Variants in VIL1 observed in about 807,000 individuals in gnomAD.
VIL1 encodes the protein villin-1.
VIL1 carries 86 observed loss-of-function variants against 104.0 expected under a neutral mutation model. That is an observed-to-expected ratio of 0.83 (90% CI 0.69 to 0.99). The LOEUF (loss-of-function observed/expected upper bound fraction) is 0.99. Among genes scored for constraint, VIL1 ranks in the 50% least tolerant of loss-of-function variants. VIL1 has a pLI of 0.00. For missense variants in VIL1, 944 were observed against 1,054.1 expected, an observed-to-expected ratio of 0.90 and a Z score of 1.45; for synonymous variants, 394 against 412.6, an observed-to-expected ratio of 0.95 and a Z score of 0.55.
At chr2:218,428,471 C>G in intron 6 of VIL1, 134 bp downstream of exon 6, 1 of 731,468 alleles carries the variant, frequency 1.4e-6, no homozygotes, top group East Asian at 2.7e-5. Context: ...GTGTTTGGTG[C>G]AGGCATGCAT....
chr2:218,420,731 G>A (rs1315055078), intron 1 of VIL1, among the ~76,000 whole-genome samples: 3 of 151,886 alleles, frequency 2.0e-5, no homozygotes, highest in African/African-American at 4.8e-5. Flanking sequence ...GACTACAGGC[G>A]CCCACCATCT....
chr2:218,427,930 C>T, intron 4 of VIL1, 35 bp from the exon 5 acceptor site: 1 of 1,598,664 alleles, frequency 6.3e-7, no homozygotes, highest in Non-Finnish European at 8.6e-7. Flanking sequence ...CACCTCCCAG[C>T]CCACTTCCTT....
At chr2:218,443,202 C>CTTTCT (rs1553535265) in intron 19 of VIL1, among the ~76,000 whole-genome samples, 2 of 141,890 alleles carry the variant, frequency 1.4e-5, no homozygotes, top group Non-Finnish European at 3.0e-5. Flanking sequence ...GTATTTCTTT[C>CTTTCT]TTTTTTTTTT....
At position 218,444,287 on chromosome 2, in the gene VIL1, C is replaced by CT. The variant is rs1021683866; in HGVS notation, c.2370+3435dup. On this transcript the variant is annotated intron_variant, in intron 19 of 19. Coordinates refer to ENST00000248444, the MANE Select transcript of VIL1 (RefSeq NM_007127.3). ...ACCTGGACTGAAGCTGATTTTTTTT[C>CT]TTTTTTTTTTGAGATGGAGTCTTGC... 4.9e-4 allele frequency among the ~76,000 whole-genome samples: 71 copies of CT among 144,470 alleles called. 2 individuals are homozygous for CT. The highest frequency in any genetic ancestry group is 2.0e-3 in the South Asian group (9 of 4,554). 94.8% of individuals were successfully genotyped at this position (144,470 alleles called of 152,430 possible).
chr2:218,434,604 A>T lies in VIL1; in HGVS notation c.1579A>T (p.Asn527Tyr). 1 of 1,614,130 alleles carries T rather than the reference A, an allele frequency of 6.2e-7. No homozygotes were observed. The highest frequency in any genetic ancestry group is 8.5e-7 in the Non-Finnish European group (1 of 1,180,018). Reference sequence around the variant, plus strand: ...CCAGGTCCAGGGAACTGGCGCCAACAACACCAAGGCCTTTGAGGTCCCAGC... The same window carrying T: ...CCAGGTCCAGGGAACTGGCGCCAACTACACCAAGGCCTTTGAGGTCCCAGC... ...LFQVQGTGAN[N>Y]TKAFEVPARA... The change falls in exon 14 of 20, where the codon AAC becomes TAC. Residue 527 changes from asparagine to tyrosine, a missense_variant. Asn to Tyr is a moderately radical substitution (Grantham distance 143, BLOSUM62 -2). Coordinates refer to ENST00000248444, the MANE Select transcript of VIL1 (RefSeq NM_007127.3).
At chr2:218,447,271 G>C (rs1689380214) in intron 19 of VIL1, among the ~76,000 whole-genome samples, 2 of 152,182 alleles carry the variant, frequency 1.3e-5, no homozygotes, top group Admixed American at 6.6e-5. Context: ...CTTCTCCTGA[G>C]GGTGACAGGC....
intron 19 of VIL1, among the ~76,000 whole-genome samples, chr2:218,447,450 T>G (rs1039445725): frequency 1.2e-4 from 19 of 152,138 alleles, no homozygotes; most frequent in Non-Finnish European, 1.9e-4. Context: ...CCTCAGTAAC[T>G]GGGACTATAG....
At position 218,420,582 on chromosome 2, in the gene VIL1, T is replaced by G. The variant is rs1195087960; in HGVS notation, c.-12+1414T>G. Among the ~76,000 whole-genome samples, 325 of 151,140 alleles carry G rather than the reference T, an allele frequency of 2.2e-3. 6 individuals carry two copies. Among genetic ancestry groups the G allele is most frequent in the Admixed American group, 0.017 (253 of 15,210 alleles). ...CTTTCAGCATCATGAGTATTTGTTT[T>G]TTTTTTTTTTGTTTTTTTTTTGAGA... On this transcript the variant is annotated intron_variant, in intron 1 of 19. Coordinates refer to ENST00000248444, the MANE Select transcript of VIL1 (RefSeq NM_007127.3).
At position 218,438,646 on chromosome 2, in the gene VIL1, C is replaced by A; in HGVS notation, c.2161-12C>A. The A allele has an allele frequency of 6.2e-7, 1 of 1,609,194 alleles. No homozygotes were observed. Among genetic ancestry groups the A allele is most frequent in the East Asian group, 2.2e-5 (1 of 44,766 alleles). On this transcript the variant is annotated splice_polypyrimidine_tract_variant and intron_variant, in intron 17 of 19. Coordinates refer to ENST00000248444, the MANE Select transcript of VIL1 (RefSeq NM_007127.3). ...AGATCCAGGTCTAATCTGTTATTTA[C>A]TTTATGTGCAGAACACCAAATCCTA... is the stretch of plus-strand genomic sequence containing the variant.
intron 18 of VIL1, among the ~76,000 whole-genome samples, chr2:218,439,787 A>C (rs2106395934): frequency 6.8e-6 from 1 of 146,298 alleles, no homozygotes; most frequent in Non-Finnish European, 1.5e-5. Context: ...ACTGCACTCC[A>C]GCCTGGGCAA....
At chr2:218,448,401 C>T (rs1044696788) in intron 19 of VIL1, among the ~76,000 whole-genome samples, 3 of 151,880 alleles carry the variant, frequency 2.0e-5, no homozygotes, top group Admixed American at 6.6e-5. Flanking sequence ...CTCATCTCTA[C>T]TAAAAATACA....
Position 218,451,108 on chromosome 2 carries a change from CA to C in VIL1, c.*1776del, listed in dbSNP as rs1392487074. ...TGTTAATAAGACATATCAGTAGAGA[CA>C]AAATTAGGATTTTGAAGTAATGCAA... On this transcript the variant is annotated 3_prime_UTR_variant, in exon 20 of 20. Coordinates refer to ENST00000248444, the MANE Select transcript of VIL1 (RefSeq NM_007127.3). 2.0e-5 allele frequency: 3 copies of C among 151,956 alleles called. No homozygotes were observed. Among genetic ancestry groups the C allele is most frequent in the African/African-American group, 7.3e-5 (3 of 41,336 alleles). 9.4% of individuals were successfully genotyped at this position (151,956 alleles called of 1,614,324 possible). A position where few individuals can be genotyped will look rare whatever the true frequency, so the allele number is the denominator to read the frequency against.
At chr2:218,430,642 T>C in intron 9 of VIL1, 83 bp from the exon 10 acceptor site, 1 of 1,489,298 alleles carries the variant, frequency 6.7e-7, no homozygotes, top group Non-Finnish European at 9.0e-7. Flanking sequence ...TGGATCTGGT[T>C]AGGTTAGAGC....
rs1334135714 is a variant in VIL1, at chr2:218,420,212, T to TTGAGG, written c.-12+1046_-12+1050dup. On this transcript the variant is annotated intron_variant, in intron 1 of 19. Coordinates refer to ENST00000248444, the MANE Select transcript of VIL1 (RefSeq NM_007127.3). ...TGGGAGGCCAAGTGGGGTGGATCAC[T>TTGAGG]TGAGGTCAGGACTTCAAGACCAGCC... Among the ~76,000 whole-genome samples, 9 of 152,082 alleles carry TTGAGG rather than the reference T, an allele frequency of 5.9e-5. No individual in the cohort carries two copies. The South Asian group carries it at 1.7e-3, about 28-fold the overall frequency.
intron 16 of VIL1, 122 bp from the exon 17 acceptor site, chr2:218,437,002 A>G: frequency 8.3e-7 from 1 of 1,204,576 alleles, no homozygotes. Flanking sequence ...GCCCTAGGTC[A>G]TTTGGCTGGT....
At chr2:218,446,360 G>A (rs1031410831) in intron 19 of VIL1, among the ~76,000 whole-genome samples, 3 of 152,178 alleles carry the variant, frequency 2.0e-5, no homozygotes, top group South Asian at 4.2e-4. Flanking sequence ...TCAGGCTCCC[G>A]AGTAGCTGAG....
rs1435102542 is a variant in VIL1 at position 218,450,760 on chromosome 2, C to CT, written c.*1425dup. The CT allele has an allele frequency of 2.0e-5, 3 of 152,206 alleles. No homozygotes were observed. In the East Asian group the frequency reaches 5.8e-4, roughly 29 times the overall value. 9.4% of individuals were successfully genotyped at this position (152,206 alleles called of 1,614,324 possible). A position where few individuals can be genotyped will look rare whatever the true frequency, so the allele number is the denominator to read the frequency against. On this transcript the variant is annotated 3_prime_UTR_variant, in exon 20 of 20. Transcript: ENST00000248444. ...AACCTGGTCCAGACCCTCACCCACT[C>CT]TATTCTTATGCCAATGGACATACCT...
chr2:218,428,407 C>A, intron 6 of VIL1, 70 bp downstream of exon 6: 1 of 1,348,582 alleles, frequency 7.4e-7, no homozygotes, highest in Non-Finnish European at 1.1e-6. Context: ...TTTCCCCAGG[C>A]CTCTCCCCGC....
At position 218,437,230 on chromosome 2, in the gene VIL1, C is replaced by T; in HGVS notation, c.2078C>T (p.Thr693Ile). Residue 693 changes from threonine (T) to isoleucine (I), a missense_variant, in exon 17 of 20, where the codon ACC becomes ATC. By Grantham distance (89) the Thr-to-Ile change is moderately conservative. Transcript: ENST00000248444. ...KTHPSGRDPE[T>I]PIIVVKQGHE... ...CATCCCAGCGGGCGTGACCCTGAGACCCCCATCATTGTGGTGAAGCAGGGA... is the reference window on the plus strand; with the variant it reads ...CATCCCAGCGGGCGTGACCCTGAGATCCCCATCATTGTGGTGAAGCAGGGA... The T allele has an allele frequency of 6.2e-7, 1 of 1,614,204 alleles. No homozygotes were observed. Among genetic ancestry groups the T allele is most frequent in the Admixed American group, 1.7e-5 (1 of 60,026 alleles).
Sources: gnomAD v4.1 joint callset for allele counts (sites outside exome capture counted in the v4.1 genomes callset) on GRCh38, gnomAD v4.1.1 for gene constraint, MANE v1.5 for transcripts, NCBI Gene and HGNC (gene_info 2026-07-23, HGNC 2026-07-21) for gene names.